Variants in TRPC1 observed in about 807,000 individuals in gnomAD.
TRPC1 encodes the protein short transient receptor potential channel 1.
TRPC1 carries 42 observed loss-of-function variants against 88.2 expected under a neutral mutation model. The observed-to-expected ratio is 0.48, with a 90% confidence interval of 0.37 to 0.62. TRPC1 has a LOEUF of 0.62. Among genes scored for constraint, TRPC1 ranks in the 20% least tolerant of loss-of-function variants. The pLI is 0.00. For missense variants in TRPC1, 699 were observed against 957.3 expected, an observed-to-expected ratio of 0.73 and a Z score of 3.56; for synonymous variants, 288 against 331.8, an observed-to-expected ratio of 0.87 and a Z score of 1.43.
intron 9 of TRPC1, among the ~76,000 whole-genome samples, chr3:142,800,470 G>A (rs377724932): frequency 6.6e-6 from 1 of 152,130 alleles, no homozygotes; most frequent in East Asian, 1.9e-4. Context: ...AGTTGCCTGT[G>A]GCTACCATTT....
intron 5 of TRPC1, among the ~76,000 whole-genome samples, chr3:142,780,190 C>A (rs753748858): frequency 6.6e-5 from 10 of 152,168 alleles, no homozygotes; most frequent in Non-Finnish European, 1.3e-4. Flanking sequence ...AAAACTTCTT[C>A]ATTTCTCACA....
At chr3:142,764,518 A>AT (rs767479719) in intron 4 of TRPC1, among the ~76,000 whole-genome samples, 3 of 151,782 alleles carry the variant, frequency 2.0e-5, no homozygotes, top group Non-Finnish European at 4.4e-5. Flanking sequence ...TTAAATAACA[A>AT]TTTTTTCTGG....
At chr3:142,749,139 A>C (rs1934661109) in intron 4 of TRPC1, among the ~76,000 whole-genome samples, 1 of 152,212 alleles carries the variant, frequency 6.6e-6, no homozygotes. Context: ...GTCCTGTAAG[A>C]TTAAAATGGA....
intron 1 of TRPC1, among the ~76,000 whole-genome samples, chr3:142,725,189 T>C (rs1933626285): frequency 6.6e-6 from 1 of 152,272 alleles, no homozygotes; most frequent in South Asian, 2.1e-4. Flanking sequence ...CTGGTTTTTG[T>C]TTTTCTTAAA....
At chr3:142,786,878 C>T (rs895888367) in intron 7 of TRPC1, among the ~76,000 whole-genome samples, 4 of 152,026 alleles carry the variant, frequency 2.6e-5, no homozygotes, top group African/African-American at 7.2e-5. Flanking sequence ...TAGTTTACCC[C>T]AGTCTGTATA....
chr3:142,734,547 G>A (rs1000992539), intron 1 of TRPC1, among the ~76,000 whole-genome samples: 1 of 152,160 alleles, frequency 6.6e-6, no homozygotes, highest in Non-Finnish European at 1.5e-5. Flanking sequence ...TCTAATGGAA[G>A]TTGACAAGAG....
chr3:142,732,068 C>T (rs1368017336), intron 1 of TRPC1, among the ~76,000 whole-genome samples: 4 of 152,072 alleles, frequency 2.6e-5, no homozygotes, highest in African/African-American at 4.8e-5. Flanking sequence ...ACTTTGTTGA[C>T]CCCTGTGCTA....
intron 7 of TRPC1, among the ~76,000 whole-genome samples, chr3:142,790,040 G>A (rs1194379779): frequency 2.0e-5 from 3 of 152,088 alleles, no homozygotes; most frequent in African/African-American, 7.2e-5. Flanking sequence ...AGGAGAATTG[G>A]GAGTGGGGGA....
chr3:142,757,576 C>T (rs950113329), intron 4 of TRPC1, among the ~76,000 whole-genome samples: 3 of 151,572 alleles, frequency 2.0e-5, no homozygotes, highest in Non-Finnish European at 2.9e-5. Context: ...CATGTTCTCA[C>T]TCATAAGTGG....
intron 9 of TRPC1, among the ~76,000 whole-genome samples, chr3:142,794,330 G>A (rs577116062): frequency 2.7e-4 from 41 of 152,084 alleles, no homozygotes; most frequent in African/African-American, 9.9e-4. Context: ...CTCCTATAAA[G>A]GGTTAAAAAG....
intron 9 of TRPC1, among the ~76,000 whole-genome samples, chr3:142,794,887 G>A (rs1343179955): frequency 6.6e-6 from 1 of 151,972 alleles, no homozygotes; most frequent in East Asian, 1.9e-4. Flanking sequence ...ACTTAAATGT[G>A]TTCATTAAAA....
chr3:142,753,008 A>G (rs1050371319), intron 4 of TRPC1, among the ~76,000 whole-genome samples: 2 of 152,176 alleles, frequency 1.3e-5, no homozygotes, highest in African/African-American at 4.8e-5. Flanking sequence ...TTCAAAATGG[A>G]GTCTCTTACG....
chr3:142,757,561 C>T (rs1935018244), intron 4 of TRPC1, among the ~76,000 whole-genome samples: 2 of 151,842 alleles, frequency 1.3e-5, no homozygotes, highest in African/African-American at 2.4e-5. Context: ...GAAAACCAAA[C>T]ACCACATGTT....
In TRPC1 at chr3:142,724,573, T is replaced by G; in HGVS notation, c.14T>G (p.Leu5Arg). 1 of 1,578,690 alleles carries G rather than the reference T, an allele frequency of 6.3e-7. No individual in the cohort carries two copies. Among genetic ancestry groups the G allele is most frequent in the Non-Finnish European group, 8.6e-7 (1 of 1,163,862 alleles). The change falls in exon 1 of 13, where the codon CTG becomes CGG. Residue 5 changes from leucine (L) to arginine (R), a missense_variant. Leu to Arg is a moderately radical substitution (Grantham distance 102, BLOSUM62 -2). Transcript: ENST00000476941. This position sits in a 1 kb window ranked among gnomAD's most constrained non-coding sequence, Gnocchi z 5.6. ...TCATGGGCCGCGATGATGGCGGCCCTGTACCCGAGCACGGACCTCTCGGGC... is the reference window on the plus strand; with the variant it reads ...TCATGGGCCGCGATGATGGCGGCCCGGTACCCGAGCACGGACCTCTCGGGC... The part of the protein sequence containing the change: MMAA[L>R]YPSTDLSGAS...
intron 2 of TRPC1, among the ~76,000 whole-genome samples, chr3:142,742,843 C>A (rs1156468206): frequency 6.6e-6 from 1 of 152,154 alleles, no homozygotes; most frequent in Non-Finnish European, 1.5e-5. Context: ...CGGATCTTCA[C>A]AGTGAGCTAT....
Position 142,724,640 on chromosome 3 carries a change from G to A in TRPC1, c.81G>A (p.Ser27=), listed in dbSNP as rs762584117. The part of the protein sequence containing the change: ...SSLPSSPSSS[S]PNEVMALKDV... ...TGCCTTCCTCTCCATCCTCTTCCTC[G>A]CCGAACGAGGTGATGGCGCTGAAGG... is the stretch of plus-strand genomic sequence containing the variant. The change falls in exon 1 of 13, where the codon TCG becomes TCA. Residue 27 remains serine, a synonymous_variant. Transcript: ENST00000476941. The surrounding 1 kb of genome is among the most constrained non-coding windows in gnomAD (Gnocchi z 5.6). The A allele has an allele frequency of 1.9e-6, 3 of 1,612,556 alleles. No individual in the cohort carries two copies. The East Asian group carries it at 6.7e-5, about 36-fold the overall frequency.
At chr3:142,805,169 C>CAT (rs1406165731) in intron 12 of TRPC1, among the ~76,000 whole-genome samples, 2 of 143,870 alleles carry the variant, frequency 1.4e-5, no homozygotes, top group Admixed American at 6.9e-5. Flanking sequence ...CACACACACA[C>CAT]ATATAATTAT....
intron 3 of TRPC1, among the ~76,000 whole-genome samples, chr3:142,745,274 C>T (rs1214196272): frequency 6.6e-6 from 1 of 152,180 alleles, no homozygotes; most frequent in Non-Finnish European, 1.5e-5. Context: ...CATTTCCTTT[C>T]CTGGGGGAAG....
At chr3:142,788,613 T>C (rs1361833835) in intron 7 of TRPC1, among the ~76,000 whole-genome samples, 2 of 151,916 alleles carry the variant, frequency 1.3e-5, no homozygotes, top group African/African-American at 4.8e-5. Flanking sequence ...TGAAAATAGG[T>C]GGTATATGAA....
Sources: allele counts gnomAD v4.1 joint callset (sites outside exome capture counted in the v4.1 genomes callset), GRCh38; gene constraint gnomAD v4.1.1; non-coding constraint Gnocchi (gnomAD v3.1); transcripts MANE v1.5; gene names NCBI Gene and HGNC (gene_info 2026-07-23, HGNC 2026-07-21).